WIPI2: variants seen among roughly 807,000 people sequenced by gnomAD.
WIPI2 encodes WD repeat domain, phosphoinositide interacting 2.
In WIPI2, 28 loss-of-function variants were observed where a neutral mutation model predicts 52.3. The observed-to-expected ratio is 0.54, with a 90% CI of 0.40 to 0.73. The LOEUF (loss-of-function observed/expected upper bound fraction) is 0.73. Ranked by LOEUF, WIPI2 falls within the 30% of genes least tolerant of loss-of-function variation. The probability of loss-of-function intolerance (pLI) is 0.00; values close to 1 mark genes in which losing one functional copy is unlikely to be tolerated. For synonymous variants in WIPI2, 268 were observed against 245.0 expected, an observed-to-expected ratio of 1.09 and a Z score of -0.88; for missense variants, 506 against 602.9, an observed-to-expected ratio of 0.84 and a Z score of 1.68.
At chr7:5,194,240 A>G (rs1427311367) in intron 2 of WIPI2, among the ~76,000 whole-genome samples, 7 of 152,180 alleles carry the variant, frequency 4.6e-5, no homozygotes. Flanking sequence ...TGGGCTGTCC[A>G]TAGCCCTGAA....
At position 5,232,264 on chromosome 7, in the gene WIPI2, C is replaced by G. The variant is rs1022126463; in HGVS notation, c.*1317C>G. 22 of 398,532 alleles carry G rather than the reference C, an allele frequency of 5.5e-5. No individual in the cohort carries two copies. Among genetic ancestry groups the G allele is most frequent in the African/African-American group, 4.3e-4 (21 of 48,636 alleles). The allele number at this position is 398,532 out of a possible 1,614,324, so 24.7% of individuals were successfully genotyped here. On this transcript the variant is annotated 3_prime_UTR_variant, in exon 13 of 13. Coordinates refer to ENST00000288828, the MANE Select transcript of WIPI2 (RefSeq NM_015610.4). Reference sequence around the variant, plus strand: ...TTTGAACCGAGGAAGGCTGGGACGCCTGTTTCCAGATGGTTGTCATGGTCA... The same window carrying G: ...TTTGAACCGAGGAAGGCTGGGACGCGTGTTTCCAGATGGTTGTCATGGTCA...
chr7:5,203,918 C>A (rs547954280), intron 3 of WIPI2, among the ~76,000 whole-genome samples: 2 of 152,308 alleles, frequency 1.3e-5, no homozygotes, highest in East Asian at 3.9e-4. Context: ...CCACCACACC[C>A]TGCCACGTTC....
At chr7:5,229,066 A>C (rs113451012) in intron 11 of WIPI2, among the ~76,000 whole-genome samples, 3,379 of 152,142 alleles carry the variant, frequency 0.022, 48 homozygotes, top group Non-Finnish European at 0.033. Context: ...CCCAGGCTGG[A>C]GTACAGTGGC....
intron 7 of WIPI2, 114 bp from the exon 8 acceptor site, chr7:5,222,488 A>G (rs1017574718): frequency 9.5e-5 from 105 of 1,107,140 alleles, no homozygotes; most frequent in Non-Finnish European, 1.3e-4. Context: ...TTGGTGGCCC[A>G]GGGCAGAGCT....
rs565927233 is a variant in WIPI2 at position 5,200,011 on chromosome 7, T to G, written c.211+353T>G. ...AAGGGCTTCCAGAAAATTGAAAATT[T>G]TACAGCCCCTGTAGGAACAATTTAT... On this transcript the variant is annotated intron_variant, in intron 3 of 12. Coordinates refer to ENST00000288828, the MANE Select transcript of WIPI2 (RefSeq NM_015610.4). Among the ~76,000 whole-genome samples the G allele has an allele frequency of 2.0e-5, 3 of 152,320 alleles. No homozygotes were observed. In the East Asian group the frequency reaches 5.8e-4, roughly 29 times the overall value.
intron 2 of WIPI2, among the ~76,000 whole-genome samples, chr7:5,197,111 CAAAAAACAAAAAAA>C (rs1781779790): frequency 1.6e-4 from 9 of 56,428 alleles, no homozygotes; most frequent in African/African-American, 2.9e-4. Context: ...GACTCCGTCT[CAAAAAACAAAAAAA>C]AAAAAAAAAA....
chr7:5,217,909 G>A lies in WIPI2; in HGVS notation c.577-13G>A. ...TGTGCGGTGGCCACTCTTTATTGGT[G>A]TCCCTTTTTCAGAGAGCTGCAAACA... is the stretch of plus-strand genomic sequence containing the variant. On this transcript the variant is annotated splice_polypyrimidine_tract_variant and intron_variant, in intron 6 of 12. Coordinates refer to ENST00000288828, the MANE Select transcript of WIPI2 (RefSeq NM_015610.4). 1 of 1,614,034 alleles carries A rather than the reference G, an allele frequency of 6.2e-7. No individual in the cohort carries two copies. The highest frequency in any genetic ancestry group is 8.5e-7 in the Non-Finnish European group (1 of 1,179,932).
intron 4 of WIPI2, among the ~76,000 whole-genome samples, chr7:5,215,422 G>A (rs1039602198): frequency 6.6e-5 from 10 of 152,254 alleles, no homozygotes; most frequent in African/African-American, 1.4e-4. Context: ...AAGACTGTCT[G>A]GCACAGAGGA....
chr7:5,190,512 G>C lies in WIPI2; in HGVS notation c.74+19G>C. 7 of 1,490,622 alleles carry C rather than the reference G, an allele frequency of 4.7e-6. No homozygotes were observed. Among genetic ancestry groups the C allele is most frequent in the Non-Finnish European group, 6.3e-6 (7 of 1,117,024 alleles). 92.3% of individuals were successfully genotyped at this position (1,490,622 alleles called of 1,614,324 possible). A position where few individuals can be genotyped will look rare whatever the true frequency, so the allele number is the denominator to read the frequency against. On this transcript the variant is annotated intron_variant, in intron 1 of 12. Transcript: ENST00000288828. ...ACAACACGTAAGGCCGGGGTCGGGG[G>C]TCGGAGTCGGGGTGAGGCCAGGGTC...
intron 3 of WIPI2, among the ~76,000 whole-genome samples, chr7:5,200,794 G>A (rs534920665): frequency 7.9e-5 from 12 of 152,256 alleles, no homozygotes; most frequent in South Asian, 2.1e-4. Context: ...CACCTCCATC[G>A]GGGATGTGTC....
chr7:5,210,924 T>A (rs748143921), intron 3 of WIPI2, among the ~76,000 whole-genome samples: 1 of 152,146 alleles, frequency 6.6e-6, no homozygotes, highest in Admixed American at 6.5e-5. Context: ...GCGGCTCGCA[T>A]AGAACTCAGC....
At position 5,227,847 on chromosome 7, in the gene WIPI2, A is replaced by G. The variant is rs1035391186; in HGVS notation, c.1014-257A>G. 1.3e-5 allele frequency among the ~76,000 whole-genome samples: 2 copies of G among 152,176 alleles called. No homozygotes were observed. The highest frequency in any genetic ancestry group is 2.9e-5 in the Non-Finnish European group (2 of 68,030). Reference sequence around the variant, plus strand: ...AGCATCCTGGAAAACTTCTCTGACGATGACTACCTATAATAATCCCAGAAG... The same window carrying G: ...AGCATCCTGGAAAACTTCTCTGACGGTGACTACCTATAATAATCCCAGAAG... On this transcript the variant is annotated intron_variant, in intron 10 of 12. Transcript: ENST00000288828. The surrounding 1 kb of genome is among the most constrained non-coding windows in gnomAD (Gnocchi z 8.1).
chr7:5,222,511 G>T, intron 7 of WIPI2, 91 bp from the exon 8 acceptor site: 1 of 1,329,726 alleles, frequency 7.5e-7, no homozygotes, highest in Non-Finnish European at 1.1e-6. Flanking sequence ...CCTGGAGATA[G>T]CCGTGTGGCG....
At chr7:5,229,401 A>T (rs1431050318) in intron 11 of WIPI2, 2 of 513,268 alleles carry the variant, frequency 3.9e-6, no homozygotes, top group Non-Finnish European at 6.9e-6. Flanking sequence ...GTTAGGTATA[A>T]CTCCCTCTTT....
chr7:5,190,588 G>T lies in WIPI2; in HGVS notation c.74+95G>T, dbSNP rs912348608. ...GCTGCCAAGCTCGGCGGCGTCGCAG[G>T]CTCGGCCTCCCCGCGGGCCAAGGCG... On this transcript the variant is annotated intron_variant, in intron 1 of 12. Coordinates refer to ENST00000288828, the MANE Select transcript of WIPI2 (RefSeq NM_015610.4). 1.2e-4 allele frequency: 144 copies of T among 1,232,954 alleles called. 3 individuals are homozygous for T. The South Asian group carries it at 3.0e-3, about 26-fold the overall frequency. The allele number at this position is 1,232,954 out of a possible 1,614,324, so 76.4% of individuals were successfully genotyped here.
At chr7:5,225,210 A>G (rs1444353231) in intron 8 of WIPI2, among the ~76,000 whole-genome samples, 2 of 151,348 alleles carry the variant, frequency 1.3e-5, no homozygotes, top group East Asian at 3.9e-4. Context: ...GTGCGATCTC[A>G]GCTCACTGCA....
chr7:5,212,511 C>G (rs1782607141), intron 3 of WIPI2, among the ~76,000 whole-genome samples: 2 of 152,172 alleles, frequency 1.3e-5, no homozygotes, highest in African/African-American at 4.8e-5. Context: ...CCATGATCAT[C>G]ATTCAGTCCT....
At chr7:5,217,007 A>C in intron 5 of WIPI2, 83 bp from the exon 6 acceptor site, 1 of 1,376,312 alleles carries the variant, frequency 7.3e-7, no homozygotes, top group Non-Finnish European at 1.0e-6. Flanking sequence ...TGCTCTGTTA[A>C]ATGAATGCTG....
intron 7 of WIPI2, among the ~76,000 whole-genome samples, chr7:5,220,960 A>AT (rs11361126): frequency 0.38 from 41,171 of 107,536 alleles, 8,276 homozygotes; most frequent in East Asian, 0.55. Context: ...CACCCACCTA[A>AT]TTTTTTTTTT....
Sources: allele counts gnomAD v4.1 joint callset (sites outside exome capture counted in the v4.1 genomes callset), GRCh38; gene constraint gnomAD v4.1.1; non-coding constraint Gnocchi (gnomAD v3.1); transcripts MANE v1.5; gene names NCBI Gene and HGNC (gene_info 2026-07-23, HGNC 2026-07-21).